The following TAFA1 variants were observed in gnomAD, a reference collection of about 807,000 sequenced individuals.
TAFA1 encodes the protein chemokine-like protein TAFA-1.
TAFA1 carries 4 observed loss-of-function variants against 18.5 expected under a neutral mutation model. That is an observed-to-expected ratio of 0.22 (90% CI 0.11 to 0.49). The LOEUF is 0.49. Ranked by LOEUF, TAFA1 falls within the 20% of genes least tolerant of loss-of-function variation. The pLI, the probability that TAFA1 is intolerant of heterozygous loss-of-function variation, is 0.98. For synonymous variants in TAFA1, 56 were observed against 55.2 expected, an observed-to-expected ratio of 1.01 and a Z score of -0.06; for missense variants, 147 against 169.0, an observed-to-expected ratio of 0.87 and a Z score of 0.72.
At chr3:68,143,365 GA>G (rs1343456327) in intron 2 of TAFA1, among the ~76,000 whole-genome samples, 1 of 152,134 alleles carries the variant, frequency 6.6e-6, no homozygotes, top group Admixed American at 6.6e-5. Context: ...TGAATCATAA[GA>G]AATTTAGTCC....
At chr3:68,536,968 T>C (rs2073287258) in intron 3 of TAFA1, among the ~76,000 whole-genome samples, 1 of 152,234 alleles carries the variant, frequency 6.6e-6, no homozygotes, top group South Asian at 2.1e-4. Context: ...TTTTCTTTTG[T>C]ACTTTCAGTC....
intron 3 of TAFA1, among the ~76,000 whole-genome samples, chr3:68,486,723 C>A (rs17047762): frequency 0.021 from 3,169 of 152,306 alleles, 51 homozygotes; most frequent in Middle Eastern, 0.065. Context: ...GGTGTCAATG[C>A]AGCATTATTT....
chr3:68,514,965 A>T (rs9819205), intron 3 of TAFA1, among the ~76,000 whole-genome samples: 121,703 of 152,062 alleles, frequency 0.8, 48,780 homozygotes, highest in East Asian at 0.89. Flanking sequence ...AGAATAAACA[A>T]GAGATGTAAT....
chr3:68,085,711 G>A (rs1315650417), intron 2 of TAFA1, among the ~76,000 whole-genome samples: 2 of 152,138 alleles, frequency 1.3e-5, no homozygotes, highest in Non-Finnish European at 2.9e-5. Flanking sequence ...CCAAGTTCCT[G>A]TCACATATTT....
At chr3:68,116,551 C>T (rs191996386) in intron 2 of TAFA1, among the ~76,000 whole-genome samples, 9 of 152,256 alleles carry the variant, frequency 5.9e-5, no homozygotes, top group Non-Finnish European at 1.5e-5. Flanking sequence ...GTTATAGAAA[C>T]AAAGGTTGTT....
At chr3:68,475,610 C>G (rs1335135154) in intron 3 of TAFA1, among the ~76,000 whole-genome samples, 1 of 152,168 alleles carries the variant, frequency 6.6e-6, no homozygotes, top group East Asian at 1.9e-4. Context: ...AATAGTGCCA[C>G]AGTAAATATA....
chr3:68,117,699 A>C (rs1379326653), intron 2 of TAFA1, among the ~76,000 whole-genome samples: 5 of 152,232 alleles, frequency 3.3e-5, no homozygotes, highest in Admixed American at 1.3e-4. Flanking sequence ...GGAACACAAT[A>C]ACAAATAGCC....
intron 2 of TAFA1, among the ~76,000 whole-genome samples, chr3:68,030,330 A>G (rs1014124238): frequency 7.2e-5 from 11 of 151,808 alleles, no homozygotes; most frequent in Admixed American, 5.3e-4. Flanking sequence ...TTACATAAGT[A>G]TATATATATG....
At chr3:68,144,143 T>C (rs556167890) in intron 2 of TAFA1, among the ~76,000 whole-genome samples, 1 of 152,314 alleles carries the variant, frequency 6.6e-6, no homozygotes, top group South Asian at 2.1e-4. Flanking sequence ...GACCATTTGT[T>C]AGTATCGAGC....
chr3:68,129,024 C>G (rs1385842455), intron 2 of TAFA1, among the ~76,000 whole-genome samples: 1 of 152,164 alleles, frequency 6.6e-6, no homozygotes, highest in Non-Finnish European at 1.5e-5. Flanking sequence ...ACAAGCTAGT[C>G]TAAACATTTC....
At chr3:68,143,763 C>G (rs1020752014) in intron 2 of TAFA1, among the ~76,000 whole-genome samples, 15 of 152,092 alleles carry the variant, frequency 9.9e-5, no homozygotes, top group African/African-American at 2.9e-4. Context: ...CAGAATGAAT[C>G]TTGTTTTAAA....
chr3:68,085,094 G>T (rs2064955066), intron 2 of TAFA1, among the ~76,000 whole-genome samples: 1 of 152,124 alleles, frequency 6.6e-6, no homozygotes, highest in African/African-American at 2.4e-5. Flanking sequence ...TGATAAAATG[G>T]ACTCACAATA....
intron 2 of TAFA1, among the ~76,000 whole-genome samples, chr3:68,292,876 A>AAAAC (rs796132662): frequency 4.3e-4 from 65 of 152,242 alleles, no homozygotes; most frequent in Middle Eastern, 3.4e-3. Flanking sequence ...AGCTACTAGA[A>AAAAC]AAACAAACAA....
intron 3 of TAFA1, among the ~76,000 whole-genome samples, chr3:68,439,412 CAT>C (rs57059146): frequency 0.12 from 8,613 of 73,280 alleles, 637 homozygotes; most frequent in Non-Finnish European, 0.14. Context: ...TATATACATA[CAT>C]ATATATATAT....
chr3:68,272,027 C>A (rs2067686228), intron 2 of TAFA1, among the ~76,000 whole-genome samples: 1 of 152,128 alleles, frequency 6.6e-6, no homozygotes, highest in Non-Finnish European at 1.5e-5. Flanking sequence ...TTTCCCCGAT[C>A]CTATTGACTT....
At chr3:68,156,043 G>C (rs1357584590) in intron 2 of TAFA1, among the ~76,000 whole-genome samples, 1 of 152,078 alleles carries the variant, frequency 6.6e-6, no homozygotes, top group Non-Finnish European at 1.5e-5. Context: ...GGGTCAAGCA[G>C]ACTGTATTTG....
intron 2 of TAFA1, among the ~76,000 whole-genome samples, chr3:68,101,346 C>A (rs2065145482): frequency 6.6e-6 from 1 of 151,776 alleles, no homozygotes; most frequent in Non-Finnish European, 1.5e-5. Context: ...TACATGTGCA[C>A]AACGTGCAGG....
intron 2 of TAFA1, among the ~76,000 whole-genome samples, chr3:68,078,114 C>G (rs1288348611): frequency 6.6e-6 from 1 of 151,886 alleles, no homozygotes; most frequent in Non-Finnish European, 1.5e-5. Flanking sequence ...CTCTGTTTGT[C>G]TGTTGTTGGT....
At chr3:68,478,797 A>G (rs1014952221) in intron 3 of TAFA1, among the ~76,000 whole-genome samples, 2 of 152,062 alleles carry the variant, frequency 1.3e-5, no homozygotes, top group Non-Finnish European at 2.9e-5. Flanking sequence ...TGTGTTGTAT[A>G]TGGAAATACC....
Sources: gnomAD v4.1 joint callset for allele counts (sites outside exome capture counted in the v4.1 genomes callset) on GRCh38, gnomAD v4.1.1 for gene constraint, MANE v1.5 for transcripts, NCBI Gene and HGNC (gene_info 2026-07-23, HGNC 2026-07-21) for gene names.